Variants in COX6B2 observed in about 807,000 individuals in gnomAD.
COX6B2 encodes the protein COX VIb-2.
In COX6B2, 12 loss-of-function variants were observed where a neutral mutation model predicts 13.7. That is an observed-to-expected ratio of 0.87 (90% confidence interval 0.56 to 1.41). The LOEUF (loss-of-function observed/expected upper bound fraction) is 1.41. COX6B2 is among the 40% of genes most tolerant of loss of function. The pLI is 0.00. For synonymous variants in COX6B2, 56 were observed against 46.6 expected, an observed-to-expected ratio of 1.20 and a Z score of -0.82; for missense variants, 130 against 118.3, an observed-to-expected ratio of 1.10 and a Z score of -0.46.
rs546149427 is a variant in COX6B2 at position 55,350,960 on chromosome 19, G to C, written c.*115-160C>G. 7.2e-5 allele frequency among the ~76,000 whole-genome samples: 11 copies of C among 152,236 alleles called. No individual in the cohort carries two copies. Among genetic ancestry groups the C allele is most frequent in the Non-Finnish European group, 1.3e-4 (9 of 68,044 alleles). ...CCGTGTCTCCCTGTGGGGGCACTCTGGCCCTTTATGCTGCAAGCTAGTAAC... is the reference window on the plus strand; with the variant it reads ...CCGTGTCTCCCTGTGGGGGCACTCTCGCCCTTTATGCTGCAAGCTAGTAAC... On this transcript the variant is annotated intron_variant, in intron 4 of 4. Coordinates refer to ENST00000326529, the MANE Select transcript of COX6B2 (RefSeq NM_144613.5). This position sits in a 1 kb window ranked among gnomAD's most constrained non-coding sequence, Gnocchi z 4.2.
intron 2 of COX6B2, chr19:55,354,194 C>G: frequency 8.0e-6 from 5 of 626,274 alleles, no homozygotes; most frequent in Non-Finnish European, 1.1e-5. Context: ...CACGACTCGG[C>G]CCCGCACCTT....
At position 55,353,612 on chromosome 19, in the gene COX6B2, T is replaced by TG. The variant is rs2089684673; in HGVS notation, c.*108_*109insC. The TG allele has an allele frequency of 3.0e-6, 3 of 996,542 alleles. No individual in the cohort carries two copies. The South Asian group carries it at 4.4e-5, about 15-fold the overall frequency. The allele number at this position is 996,542 out of a possible 1,614,324, so 61.7% of individuals were successfully genotyped here. Reference sequence around the variant, plus strand: ...AAACATCAGCAACAGCATACCATTATTCGTGGCTTAGACACTGGGAGGTAG... The same window carrying TG: ...AAACATCAGCAACAGCATACCATTATGTCGTGGCTTAGACACTGGGAGGTAG... On this transcript the variant is annotated 3_prime_UTR_variant, in exon 4 of 5. Transcript: ENST00000326529.
Position 55,353,896 on chromosome 19 carries a change from G to A in COX6B2, c.183C>T (p.Arg61=), listed in dbSNP as rs772656738. ...KSTQPCEYYF[R]VYHSLCPISW... is the part of the protein sequence containing the mutation. ...TGATGGGGCACAGCGAGTGGTACAC[G>A]CGGAAATAGTACTCGCAGGGCTGCG... Residue 61 remains arginine, a synonymous_variant, in exon 3 of 5, where the codon CGC becomes CGT. Coordinates refer to ENST00000326529, the MANE Select transcript of COX6B2 (RefSeq NM_144613.5). 6.4e-7 allele frequency: 1 copy of A among 1,571,246 alleles called. No individual in the cohort carries two copies. Among genetic ancestry groups the A allele is most frequent in the Non-Finnish European group, 8.6e-7 (1 of 1,159,430 alleles).
At chr19:55,353,822 G>A (rs542900165) in intron 3 of COX6B2, 44 bp downstream of exon 3, 1 of 1,592,316 alleles carries the variant, frequency 6.3e-7, no homozygotes, top group Non-Finnish European at 8.5e-7. Context: ...AGCCTCGGCC[G>A]AGCCCTGCAC....
intron 2 of COX6B2, 144 bp downstream of exon 2, chr19:55,354,266 C>A: frequency 3.0e-6 from 2 of 672,790 alleles, no homozygotes; most frequent in East Asian, 2.7e-5. Flanking sequence ...CCCGCCTTTT[C>A]TCGACCAGGC....
At chr19:55,353,282 G>C in intron 4 of COX6B2, 1 of 288,262 alleles carries the variant, frequency 3.5e-6, no homozygotes, top group Non-Finnish European at 6.7e-6. Context: ...TGAGGTGAGA[G>C]GTAGGTGTGG....
Position 55,352,072 on chromosome 19 carries a change from G to A in COX6B2, c.*115-1272C>T, listed in dbSNP as rs73607034. The A allele has an allele frequency of 0.02, 3,089 of 152,372 alleles. 111 individuals carry two copies. The highest frequency in any genetic ancestry group is 0.069 in the African/African-American group (2,849 of 41,494). 9.4% of individuals were successfully genotyped at this position (152,372 alleles called of 1,614,324 possible). On this transcript the variant is annotated intron_variant, in intron 4 of 4. Coordinates refer to ENST00000326529, the MANE Select transcript of COX6B2 (RefSeq NM_144613.5). This position sits in a 1 kb window ranked among gnomAD's most constrained non-coding sequence, Gnocchi z 6.2. ...GCACAGGTGTGGCACCCTGTGCTTG[G>A]GATGTTACCTGGGTGACCTCACCAA...
chr19:55,352,395 C>A lies in COX6B2; in HGVS notation c.*114+1212G>T. 6.6e-6 allele frequency: 1 copy of A among 152,444 alleles called. No homozygotes were observed. 9.4% of individuals were successfully genotyped at this position (152,444 alleles called of 1,614,324 possible). On this transcript the variant is annotated intron_variant, in intron 4 of 4. Transcript: ENST00000326529. The surrounding 1 kb of genome is among the most constrained non-coding windows in gnomAD (Gnocchi z 6.2). ...CAGGGAGCAGGATGGAGTCAGCCCC[C>A]TGAGCTCACCCAGCCCTACCTCCTC...
intron 2 of COX6B2, 148 bp from the exon 3 acceptor site, chr19:55,354,114 C>T: frequency 1.4e-6 from 1 of 712,116 alleles, no homozygotes; most frequent in East Asian, 2.7e-5. Flanking sequence ...CAGCCAGGCC[C>T]CGACCCCTAC....
At chr19:55,354,175 C>T in intron 2 of COX6B2, 2 of 637,286 alleles carry the variant, frequency 3.1e-6, no homozygotes, top group African/African-American at 1.8e-5. Flanking sequence ...CTACCTCGCC[C>T]CGCACCTTCA....
rs903384132 is a variant in COX6B2 at position 55,353,944 on chromosome 19, G to T, written c.135C>A (p.Thr45=). ...GCGTGCTCTTCCCGCGGCGGGTCCT[G>T]GTCTTGAGGCAGCGGTGGTAGTCTG... is the stretch of plus-strand genomic sequence containing the variant. ...NFLDYHRCLK[T]RTRRGKSTQP... The change falls in exon 3 of 5, where the codon ACC becomes ACA. Residue 45 remains threonine, a synonymous_variant. Transcript: ENST00000326529. 6.4e-7 allele frequency: 1 copy of T among 1,555,572 alleles called. No individual in the cohort carries two copies.
chr19:55,350,493 TCA>T lies in COX6B2; in HGVS notation c.*420_*421del, dbSNP rs1331298833. On this transcript the variant is annotated 3_prime_UTR_variant, in exon 5 of 5. Coordinates refer to ENST00000326529, the MANE Select transcript of COX6B2 (RefSeq NM_144613.5). This position sits in a 1 kb window ranked among gnomAD's most constrained non-coding sequence, Gnocchi z 4.2. ...GACAGCCTTAGGGACGTGGGCGCTC[TCA>T]GTCATCTCGCCCATACAGACAGGAG... 2.6e-5 allele frequency: 4 copies of T among 152,326 alleles called. No individual in the cohort carries two copies. The highest frequency in any genetic ancestry group is 4.4e-5 in the Non-Finnish European group (3 of 68,096). 9.4% of individuals were successfully genotyped at this position (152,326 alleles called of 1,614,324 possible).
rs1490223634 is a variant in COX6B2 at position 55,353,612 on chromosome 19, T to G, written c.*109A>C. On this transcript the variant is annotated 3_prime_UTR_variant, in exon 4 of 5. Transcript: ENST00000326529. ...AAACATCAGCAACAGCATACCATTA[T>G]TCGTGGCTTAGACACTGGGAGGTAG... 1.0e-6 allele frequency: 1 copy of G among 996,542 alleles called. No individual in the cohort carries two copies. The highest frequency in any genetic ancestry group is 1.6e-5 in the African/African-American group (1 of 61,882). 61.7% of individuals were successfully genotyped at this position (996,542 alleles called of 1,614,324 possible).
chr19:55,351,855 C>G (rs1238649377), intron 4 of COX6B2: 3 of 152,644 alleles, frequency 2.0e-5, no homozygotes, highest in African/African-American at 7.2e-5. Context: ...AGGTCTGCCC[C>G]TGCCCCTGGC....
chr19:55,354,250 CT>C, intron 2 of COX6B2, 159 bp downstream of exon 2: 1 of 663,406 alleles, frequency 1.5e-6, no homozygotes, highest in Non-Finnish European at 2.6e-6. Context: ...CCCCTCCAGG[CT>C]CAGCCCCGCC....
chr19:55,351,830 G>A (rs2089672038), intron 4 of COX6B2: 1 of 152,524 alleles, frequency 6.6e-6, no homozygotes, highest in Non-Finnish European at 1.5e-5. Flanking sequence ...CACCAGGCTG[G>A]AGGCCAGGCC....
At chr19:55,351,424 C>T (rs561874790) in intron 4 of COX6B2, among the ~76,000 whole-genome samples, 84 of 152,168 alleles carry the variant, frequency 5.5e-4, no homozygotes, top group Non-Finnish European at 1.1e-3. Flanking sequence ...AGCTGCGGCC[C>T]CTAGGAGCCA....
chr19:55,353,962 G>A lies in COX6B2; in HGVS notation c.117C>T (p.Tyr39=), dbSNP rs2123217607. ...GGGTCCTGGTCTTGAGGCAGCGGTG[G>A]TAGTCTGTGGCGGGCGGGGGTCACG... ...IRNCYQNFLD[Y]HRCLKTRTRR... is the part of the protein sequence containing the mutation. The change falls in exon 3 of 5, where the codon TAC becomes TAT. Residue 39 remains tyrosine (Y), a synonymous_variant. Coordinates refer to ENST00000326529, the MANE Select transcript of COX6B2 (RefSeq NM_144613.5). 1.9e-6 allele frequency: 3 copies of A among 1,547,318 alleles called. No individual in the cohort carries two copies. The highest frequency in any genetic ancestry group is 2.6e-6 in the Non-Finnish European group (3 of 1,150,180).
rs1454553738 is a variant in COX6B2 at position 55,353,931 on chromosome 19, C to T, written c.148G>A (p.Gly50Arg). 6 of 1,560,902 alleles carry T rather than the reference C, an allele frequency of 3.8e-6. No homozygotes were observed. Among genetic ancestry groups the T allele is most frequent in the Admixed American group, 1.9e-5 (1 of 52,828 alleles). ...HRCLKTRTRR[G>R]KSTQPCEYYF... ...TACTCGCAGGGCTGCGTGCTCTTCC[C>T]GCGGCGGGTCCTGGTCTTGAGGCAG... The change falls in exon 3 of 5, where the codon GGG becomes AGG. Residue 50 changes from glycine (G) to arginine (R), a missense_variant. Physicochemically the swap from Gly to Arg is moderately radical, Grantham distance 125 (BLOSUM62 -2). Transcript: ENST00000326529.
Sources: allele counts gnomAD v4.1 joint callset (sites outside exome capture counted in the v4.1 genomes callset), GRCh38; gene constraint gnomAD v4.1.1; non-coding constraint Gnocchi (gnomAD v3.1); transcripts MANE v1.5; gene names NCBI Gene and HGNC (gene_info 2026-07-23, HGNC 2026-07-21).